Variants in PSMC3 observed in about 807,000 individuals in gnomAD.
PSMC3 encodes the protein 26S proteasome regulatory subunit 6A.
In PSMC3, 11 loss-of-function variants were observed where a neutral mutation model predicts 52.0. The observed-to-expected ratio is 0.21, with a 90% CI of 0.13 to 0.35. The LOEUF (loss-of-function observed/expected upper bound fraction) is 0.35, where lower values mean the gene tolerates loss of function less well. PSMC3 is among the 10% of genes least tolerant of loss of function. PSMC3 has a pLI of 1.00. For missense variants in PSMC3, 238 were observed against 567.1 expected (o/e 0.42, Z 5.89); for synonymous variants, 201 against 218.8 (o/e 0.92, Z 0.72).
At position 47,425,145 on chromosome 11, in the gene PSMC3, C is replaced by T. The variant is rs776796743; in HGVS notation, c.261G>A (p.Pro87=). Residue 87 remains proline (P), a synonymous_variant, in exon 3 of 12, where the codon CCG becomes CCA. Coordinates refer to ENST00000298852, the MANE Select transcript of PSMC3 (RefSeq NM_002804.5). ...SEKIKVNKTL[P]YLVSNVIELL... The stretch of plus-strand genomic sequence containing the variant: ...CCTCGATGACGTTGGAGACAAGGTA[C>T]GGCAGGGTCTTGTTCACTTTGATTT... The T allele has an allele frequency of 3.2e-5, 52 of 1,614,038 alleles. 1 individual carries two copies. The Middle Eastern group carries it at 6.6e-4, about 20-fold the overall frequency.
intron 2 of PSMC3, 148 bp from the exon 3 acceptor site, chr11:47,425,394 T>C: frequency 1.0e-6 from 1 of 955,530 alleles, no homozygotes. Flanking sequence ...AGTCTGACTG[T>C]GTCCACATCC....
chr11:47,423,924 C>T, intron 6 of PSMC3, 122 bp downstream of exon 6: 1 of 1,385,270 alleles, frequency 7.2e-7, no homozygotes, highest in Non-Finnish European at 1.0e-6. Flanking sequence ...CACATGGCAC[C>T]CCTCCCTTCC....
chr11:47,423,980 T>G, intron 6 of PSMC3, 66 bp downstream of exon 6: 3 of 1,607,354 alleles, frequency 1.9e-6, no homozygotes, highest in African/African-American at 1.3e-5. Flanking sequence ...GGAGATGAGC[T>G]GCATCAATGG....
Position 47,426,194 on chromosome 11 carries a change from C to G in PSMC3, c.75+11G>C. ...CCCGGTTCCCGGACCGCCAGCTCGC[C>G]CGGTGCCCACCTCGGCCTCATCCCA... On this transcript the variant is annotated intron_variant, in intron 1 of 11. Coordinates refer to ENST00000298852, the MANE Select transcript of PSMC3 (RefSeq NM_002804.5). The G allele has an allele frequency of 6.4e-7, 1 of 1,556,050 alleles. No individual in the cohort carries two copies. Among genetic ancestry groups the G allele is most frequent in the Non-Finnish European group, 8.7e-7 (1 of 1,150,648 alleles).
Position 47,424,425 on chromosome 11 carries a change from T to A in PSMC3, c.453+4A>T, listed in dbSNP as rs2096044109. On this transcript the variant is annotated splice_donor_region_variant and intron_variant, in intron 5 of 11. Transcript: ENST00000298852. The surrounding 1 kb of genome is among the most constrained non-coding windows in gnomAD (Gnocchi z 4.8). ...AGCACTGCCTGGGCTCAGGCCCCAC[T>A]CACCACCAGGTCTCCTGGCTTTAGC... The A allele has an allele frequency of 6.2e-7, 1 of 1,613,926 alleles. No individual in the cohort carries two copies. The highest frequency in any genetic ancestry group is 8.5e-7 in the Non-Finnish European group (1 of 1,179,934).
chr11:47,424,824 T>C lies in PSMC3; in HGVS notation c.286-113A>G. On this transcript the variant is annotated intron_variant, in intron 3 of 11. Transcript: ENST00000298852. This position sits in a 1 kb window ranked among gnomAD's most constrained non-coding sequence, Gnocchi z 4.8. ...CCTTACCTCCCTCCTCCAATAGCCC[T>C]GAGCCCACCAAACGTGGGTGCCCCT... is the stretch of plus-strand genomic sequence containing the variant. 1 of 997,248 alleles carries C rather than the reference T, an allele frequency of 1.0e-6. No homozygotes were observed. The highest frequency in any genetic ancestry group is 2.5e-5 in the East Asian group (1 of 39,616). The allele number at this position is 997,248 out of a possible 1,614,324, so 61.8% of individuals were successfully genotyped here.
chr11:47,418,984 G>A (rs371099815), intron 11 of PSMC3, 39 bp from the exon 12 acceptor site: 2 of 1,609,860 alleles, frequency 1.2e-6, no homozygotes, highest in African/African-American at 1.3e-5. Context: ...CTGAACGCCT[G>A]AATGCCTTCC....
intron 6 of PSMC3, 129 bp from the exon 7 acceptor site, chr11:47,423,102 T>G: frequency 9.7e-7 from 1 of 1,031,220 alleles, no homozygotes; most frequent in Non-Finnish European, 1.4e-6. Context: ...TCTTTCCCCA[T>G]ATCAAGAGGA....
Position 47,422,451 on chromosome 11 carries a change from G to C in PSMC3, c.884+123C>G, listed in dbSNP as rs2096041720. The C allele has an allele frequency of 2.5e-6, 3 of 1,198,088 alleles. No individual in the cohort carries two copies. In the East Asian group the frequency reaches 7.1e-5, roughly 28 times the overall value. The allele number at this position is 1,198,088 out of a possible 1,614,324, so 74.2% of individuals were successfully genotyped here. ...GAATTGGAATCTCAAGAGTTGAGGAGCCACCATCCAGGGGCAGGAGGGGAT... is the reference window on the plus strand; with the variant it reads ...GAATTGGAATCTCAAGAGTTGAGGACCCACCATCCAGGGGCAGGAGGGGAT... On this transcript the variant is annotated intron_variant, in intron 8 of 11. Transcript: ENST00000298852. The surrounding 1 kb of genome is among the most constrained non-coding windows in gnomAD (Gnocchi z 4.3).
Position 47,425,634 on chromosome 11 carries a change from T to C in PSMC3, c.159+233A>G, listed in dbSNP as rs566165578. ...TGAGAGGATTATTCCCAGTTCTCAC[T>C]GGGAAAGGCAATCTGATAACTTCTC... On this transcript the variant is annotated intron_variant, in intron 2 of 11. Coordinates refer to ENST00000298852, the MANE Select transcript of PSMC3 (RefSeq NM_002804.5). 3.3e-4 allele frequency: 185 copies of C among 552,284 alleles called. No homozygotes were observed. Among genetic ancestry groups the C allele is most frequent in the African/African-American group, 3.2e-3 (169 of 53,144 alleles). 34.2% of individuals were successfully genotyped at this position (552,284 alleles called of 1,614,324 possible).
At chr11:47,425,336 G>A in intron 2 of PSMC3, 90 bp from the exon 3 acceptor site, 1 of 1,495,188 alleles carries the variant, frequency 6.7e-7, no homozygotes, top group East Asian at 2.3e-5. Context: ...GGTGCCCAGG[G>A]GACCCTCCCG....
intron 6 of PSMC3, among the ~76,000 whole-genome samples, chr11:47,423,468 G>A (rs1336955021): frequency 6.6e-6 from 1 of 151,556 alleles, no homozygotes; most frequent in Non-Finnish European, 1.5e-5. Context: ...GACTCTCCAG[G>A]AACGGGAGTA....
In PSMC3 at chr11:47,420,295, T is replaced by C. The variant is rs144968726; in HGVS notation, c.1096A>G (p.Met366Val). 3 of 1,614,062 alleles carry C rather than the reference T, an allele frequency of 1.9e-6. No individual in the cohort carries two copies. Among genetic ancestry groups the C allele is most frequent in the Non-Finnish European group, 2.5e-6 (3 of 1,180,026 alleles). Reference sequence around the variant, plus strand: ...TTCATCTTTCGGGAGTGGATCTGCATGATTCTGGCCCGGGCCTCCTCATTG... The same window carrying C: ...TTCATCTTTCGGGAGTGGATCTGCACGATTCTGGCCCGGGCCTCCTCATTG... ...MPNEEARARIMQIHSRKMNVS... is the reference protein window; with the variant it reads ...MPNEEARARIVQIHSRKMNVS... The change falls in exon 10 of 12, where the codon ATG becomes GTG. Residue 366 changes from methionine (M) to valine (V), a missense_variant. Physicochemically the swap from Met to Val is conservative, Grantham distance 21. This residue lies in a region of PSMC3 where 40 missense variants were observed against 53.3 expected (regional missense o/e 0.75). Coordinates refer to ENST00000298852, the MANE Select transcript of PSMC3 (RefSeq NM_002804.5).
rs941205532 is a variant in PSMC3, at chr11:47,423,128, G to A, written c.592-155C>T. On this transcript the variant is annotated intron_variant, in intron 6 of 11. Coordinates refer to ENST00000298852, the MANE Select transcript of PSMC3 (RefSeq NM_002804.5). Reference sequence around the variant, plus strand: ...ATCAAGAGGACACAAGGCTGGGCGCGGTGGCTCACGCCTGTAATCCTAGCA... The same window carrying A: ...ATCAAGAGGACACAAGGCTGGGCGCAGTGGCTCACGCCTGTAATCCTAGCA... Among the ~76,000 whole-genome samples, 15 of 152,174 alleles carry A rather than the reference G, an allele frequency of 9.9e-5. 1 individual carries two copies. The South Asian group carries it at 2.7e-3, about 27-fold the overall frequency.
At chr11:47,425,999 A>T in intron 1 of PSMC3, 49 bp from the exon 2 acceptor site, 1 of 1,556,048 alleles carries the variant, frequency 6.4e-7, no homozygotes, top group Admixed American at 1.7e-5. Context: ...ACTCAGGACA[A>T]GCATCCCTCG....
chr11:47,425,746 G>A, intron 2 of PSMC3, 121 bp downstream of exon 2: 2 of 808,392 alleles, frequency 2.5e-6, no homozygotes, highest in Non-Finnish European at 4.0e-6. Context: ...CTGATATGAG[G>A]GGGAAGCCCG....
chr11:47,426,419 G>C lies in PSMC3; in HGVS notation c.-140C>G. 2.9e-6 allele frequency: 2 copies of C among 688,184 alleles called. No individual in the cohort carries two copies. Among genetic ancestry groups the C allele is most frequent in the Non-Finnish European group, 4.5e-6 (2 of 445,408 alleles). 42.6% of individuals were successfully genotyped at this position (688,184 alleles called of 1,614,324 possible). A position where few individuals can be genotyped will look rare whatever the true frequency, so the allele number is the denominator to read the frequency against. On this transcript the variant is annotated 5_prime_UTR_variant, in exon 1 of 12. Coordinates refer to ENST00000298852, the MANE Select transcript of PSMC3 (RefSeq NM_002804.5). ...ACTCTTGACCCGACCAGCTCCGGCCGTGCTGCGGAGCAGCGAATCTGCCTC... is the reference window on the plus strand; with the variant it reads ...ACTCTTGACCCGACCAGCTCCGGCCCTGCTGCGGAGCAGCGAATCTGCCTC...
intron 8 of PSMC3, among the ~76,000 whole-genome samples, chr11:47,421,249 CAAAAAAAAAA>C (rs56344837): frequency 3.3e-5 from 2 of 61,408 alleles, no homozygotes; most frequent in Non-Finnish European, 5.4e-5. Context: ...GACTCCATCT[CAAAAAAAAAA>C]AAAAAAAAAA....
intron 6 of PSMC3, 120 bp from the exon 7 acceptor site, chr11:47,423,093 C>A (rs2096042565): frequency 1.8e-6 from 2 of 1,099,646 alleles, no homozygotes; most frequent in Admixed American, 2.4e-5. Flanking sequence ...ACGCCCATTT[C>A]TTTCCCCATA....
Sources: allele counts gnomAD v4.1 joint callset (sites outside exome capture counted in the v4.1 genomes callset), GRCh38; gene constraint gnomAD v4.1.1; regional missense constraint gnomAD v4.1.1; non-coding constraint Gnocchi (gnomAD v3.1); transcripts MANE v1.5; gene names NCBI Gene and HGNC (gene_info 2026-07-23, HGNC 2026-07-21).